Variants in SCOC observed in about 807,000 individuals in gnomAD.
SCOC encodes short coiled coil protein.
Under a neutral mutation model 9.9 loss-of-function variants are expected in SCOC, and 7 were observed. The observed-to-expected ratio is 0.71, with a 90% CI of 0.40 to 1.33. SCOC has a LOEUF of 1.33. Among genes scored for constraint, SCOC ranks in the 40% most tolerant of loss-of-function variants. The pLI, the probability that SCOC is intolerant of heterozygous loss-of-function variation, is 0.01. For synonymous variants in SCOC, 19 were observed against 28.2 expected (o/e 0.67, Z 1.03); for missense variants, 66 against 89.7 (o/e 0.74, Z 1.07).
chr4:140,350,942 C>T (rs2126528032), intron 2 of SCOC, among the ~76,000 whole-genome samples: 1 of 152,110 alleles, frequency 6.6e-6, no homozygotes. Context: ...GTAATCCCAG[C>T]ACTTTGGGAG....
chr4:140,261,224 GT>G (rs1730625979), intron 1 of SCOC, among the ~76,000 whole-genome samples: 1 of 152,200 alleles, frequency 6.6e-6, no homozygotes, highest in Non-Finnish European at 1.5e-5. Flanking sequence ...GAGACTTGGG[GT>G]TTGTTGTCCG....
At chr4:140,340,355 A>T (rs1726457753), upstream of SCOC, among the ~76,000 whole-genome samples, 1 of 152,052 alleles carries the variant, frequency 6.6e-6, no homozygotes, top group African/African-American at 2.4e-5. Flanking sequence ...ATGTTAAATG[A>T]TGAGTTAATG....
At chr4:140,278,857 C>T (rs749159808) in intron 1 of SCOC, among the ~76,000 whole-genome samples, 6 of 122,808 alleles carry the variant, frequency 4.9e-5, no homozygotes, top group Admixed American at 1.0e-4. Context: ...CCCCCGTATT[C>T]ACTTTGCCCC....
At position 140,382,157 on chromosome 4, in the gene SCOC, A is replaced by T. The variant is rs1460924366; in HGVS notation, c.*1053A>T. The T allele has an allele frequency of 6.6e-6, 1 of 152,170 alleles. No individual in the cohort carries two copies. The highest frequency in any genetic ancestry group is 6.5e-5 in the Admixed American group (1 of 15,276). The allele number at this position is 152,170 out of a possible 1,614,324, so 9.4% of individuals were successfully genotyped here. A position where few individuals can be genotyped will look rare whatever the true frequency, so the allele number is the denominator to read the frequency against. Reference sequence around the variant, plus strand: ...AGTGAATAAAATGGGAAAGTTATACATGTATACTTATTATCTTGCTCAGTA... The same window carrying T: ...AGTGAATAAAATGGGAAAGTTATACTTGTATACTTATTATCTTGCTCAGTA... On this transcript the variant is annotated 3_prime_UTR_variant, in exon 4 of 4. Transcript: ENST00000608372.
At chr4:140,372,719 C>G (rs908969967), upstream of SCOC, among the ~76,000 whole-genome samples, 3 of 152,162 alleles carry the variant, frequency 2.0e-5, no homozygotes, top group African/African-American at 7.2e-5. Context: ...AGTCAAGAAA[C>G]AGGGAGACAT....
At chr4:140,313,347 C>A (rs745519752) in intron 1 of SCOC, among the ~76,000 whole-genome samples, 1 of 152,110 alleles carries the variant, frequency 6.6e-6, no homozygotes, top group African/African-American at 2.4e-5. Flanking sequence ...CGGGTTCTAG[C>A]GATTCTCGAT....
upstream of SCOC, among the ~76,000 whole-genome samples, chr4:140,341,964 ACTTT>A (rs1255037463): frequency 3.3e-5 from 5 of 152,130 alleles, no homozygotes; most frequent in Admixed American, 6.5e-5. Context: ...ACTTCACTTC[ACTTT>A]GTCAGACTTG....
Position 140,313,101 on chromosome 4 carries a change from G to A in SCOC, c.-18-30520G>A, listed in dbSNP as rs72937792. Among the ~76,000 whole-genome samples the A allele has an allele frequency of 8.4e-3, 1,285 of 152,268 alleles. 7 individuals carry two copies. The highest frequency in any genetic ancestry group is 0.029 in the African/African-American group (1,195 of 41,544). On this transcript the variant is annotated intron_variant, in intron 1 of 4. Coordinates refer to the SCOC transcript ENST00000394205. The stretch of plus-strand genomic sequence containing the variant: ...TGAGAGGTACTTTAGGGAAACTCTC[G>A]CTAAGTCAGTCCTCCACCTTTTCAT...
At chr4:140,362,440 CCAA>C in intron 2 of SCOC, among the ~76,000 whole-genome samples, 1 of 148,692 alleles carries the variant, frequency 6.7e-6, no homozygotes, top group African/African-American at 2.5e-5. Flanking sequence ...AGACTACAGG[CCAA>C]GCCACCATGC....
At chr4:140,280,296 A>AT (rs1194679751) in intron 1 of SCOC, among the ~76,000 whole-genome samples, 2 of 151,742 alleles carry the variant, frequency 1.3e-5, no homozygotes, top group Non-Finnish European at 2.9e-5. Context: ...TTGTATTTGT[A>AT]TTTTTGTTTT....
At chr4:140,369,168 T>C (rs1727933318), upstream of SCOC, 1 of 200,170 alleles carries the variant, frequency 5.0e-6, no homozygotes, top group Admixed American at 5.6e-5. Context: ...GAAATTATAA[T>C]CTTGAGAAAG....
intron 1 of SCOC, among the ~76,000 whole-genome samples, chr4:140,328,760 A>T (rs182050940): frequency 6.6e-6 from 1 of 152,332 alleles, no homozygotes; most frequent in Admixed American, 6.5e-5. Flanking sequence ...GAGTGATTCC[A>T]TCTGACACAT....
chr4:140,301,467 T>C (rs1203959771), intron 1 of SCOC, among the ~76,000 whole-genome samples: 5 of 152,226 alleles, frequency 3.3e-5, no homozygotes, highest in Non-Finnish European at 5.9e-5. Context: ...TTATTCACCA[T>C]AGAGGGTCAG....
intron 1 of SCOC, among the ~76,000 whole-genome samples, chr4:140,316,736 T>C (rs1009175694): frequency 6.6e-6 from 1 of 152,120 alleles, no homozygotes; most frequent in African/African-American, 2.4e-5. Flanking sequence ...CTCAGATGCA[T>C]TGGAGTGGAA....
intron 1 of SCOC, among the ~76,000 whole-genome samples, chr4:140,258,703 TTC>T (rs564463591): frequency 1.1e-3 from 162 of 152,378 alleles, no homozygotes; most frequent in Non-Finnish European, 1.7e-3. Flanking sequence ...CTGCTTTCTC[TTC>T]TCTTTCTGAG....
At chr4:140,343,055 C>T (rs1726565549), upstream of SCOC, among the ~76,000 whole-genome samples, 1 of 151,802 alleles carries the variant, frequency 6.6e-6, no homozygotes, top group African/African-American at 2.4e-5. Flanking sequence ...ATATGTATGG[C>T]ATATATGTAT....
At chr4:140,340,400 ATGT>A (rs1413160555), upstream of SCOC, among the ~76,000 whole-genome samples, 1 of 151,960 alleles carries the variant, frequency 6.6e-6, no homozygotes, top group East Asian at 1.9e-4. Flanking sequence ...TGTTATATAC[ATGT>A]TGTATATATA....
At chr4:140,314,360 A>G (rs2126471992) in intron 1 of SCOC, 1 of 153,134 alleles carries the variant, frequency 6.5e-6, no homozygotes, top group South Asian at 2.0e-4. Context: ...CAACAAATCA[A>G]GGCAGTATTT....
At chr4:140,328,504 C>T (rs1430458224) in intron 1 of SCOC, among the ~76,000 whole-genome samples, 3 of 152,116 alleles carry the variant, frequency 2.0e-5, no homozygotes, top group African/African-American at 7.2e-5. Flanking sequence ...CAAATTATTC[C>T]TCACAGTTCA....
Sources: gnomAD v4.1 joint callset for allele counts (sites outside exome capture counted in the v4.1 genomes callset) on GRCh38, gnomAD v4.1.1 for gene constraint, MANE v1.5 for transcripts, NCBI Gene and HGNC (gene_info 2026-07-23, HGNC 2026-07-21) for gene names.